TMEM258: variants seen among roughly 807,000 people sequenced by gnomAD.
The protein encoded by TMEM258 is dolichyl-diphosphooligosaccharide--protein glycosyltransferase subunit TMEM258.
Under a neutral mutation model 9.9 loss-of-function variants are expected in TMEM258, and 11 were observed. That is an observed-to-expected ratio of 1.11 (90% CI 0.70 to 1.85). The LOEUF is 1.85. TMEM258 is among the 40% of genes most tolerant of loss of function. The probability of loss-of-function intolerance (pLI) is 0.00; values close to 1 mark genes in which losing one functional copy is unlikely to be tolerated. For missense variants in TMEM258, 81 were observed against 99.7 expected, an observed-to-expected ratio of 0.81 and a Z score of 0.80; for synonymous variants, 40 against 39.1, an observed-to-expected ratio of 1.02 and a Z score of -0.09.
chr11:61,792,301 A>G (rs1330573160), intron 1 of TMEM258: 1 of 554,952 alleles, frequency 1.8e-6, no homozygotes, highest in East Asian at 3.0e-5. Flanking sequence ...ATAACACACC[A>G]CCGATAACAG....
chr11:61,792,372 G>A (rs2066790771), intron 1 of TMEM258, 184 bp downstream of exon 1: 1 of 740,998 alleles, frequency 1.3e-6, no homozygotes, highest in Non-Finnish European at 2.2e-6. Flanking sequence ...TAGAAATCGC[G>A]AGCTGAGAAA....
At chr11:61,790,714 G>T in intron 1 of TMEM258, 112 bp from the exon 2 acceptor site, 2 of 857,782 alleles carry the variant, frequency 2.3e-6, no homozygotes, top group Non-Finnish European at 3.6e-6. Flanking sequence ...GCTGATTTTA[G>T]CCCGGAAATG....
At position 61,790,525 on chromosome 11, in the gene TMEM258, G is replaced by C. The variant is rs1591143409; in HGVS notation, c.81C>G (p.Ala27=). The C allele has an allele frequency of 6.2e-7, 1 of 1,614,120 alleles. No individual in the cohort carries two copies. The highest frequency in any genetic ancestry group is 2.2e-5 in the East Asian group (1 of 44,884). The change falls in exon 2 of 4, where the codon GCC becomes GCG. Residue 27 remains alanine, a synonymous_variant. Coordinates refer to ENST00000537328, the MANE Select transcript of TMEM258 (RefSeq NM_014206.4). The stretch of plus-strand genomic sequence containing the variant: ...ACCAGGCGGTGAAGAACATGCCAAT[G>C]GCCAAAAGCACCACGGTCAGATGGG... The part of the protein sequence containing the change: ...VFPHLTVVLL[A]IGMFFTAWFF...
Position 61,792,422 on chromosome 11 carries a change from C to T in TMEM258, c.3+134G>A. The T allele has an allele frequency of 2.3e-6, 3 of 1,319,816 alleles. No homozygotes were observed. In the South Asian group the frequency reaches 3.6e-5, roughly 16 times the overall value. 81.8% of individuals were successfully genotyped at this position (1,319,816 alleles called of 1,614,324 possible). A position where few individuals can be genotyped will look rare whatever the true frequency, so the allele number is the denominator to read the frequency against. On this transcript the variant is annotated intron_variant, in intron 1 of 3. Transcript: ENST00000537328. Reference sequence around the variant, plus strand: ...GGCAAGGGGCTTCCCCCTTCCCCACCCTTCAGCCCAAGCCGGAGGTTCCAG... The same window carrying T: ...GGCAAGGGGCTTCCCCCTTCCCCACTCTTCAGCCCAAGCCGGAGGTTCCAG...
intron 2 of TMEM258, chr11:61,790,233 C>G: frequency 3.5e-6 from 2 of 573,638 alleles, no homozygotes; most frequent in South Asian, 4.2e-5. Flanking sequence ...CCAACTGTAG[C>G]ACCCCTATTC....
At chr11:61,791,847 C>T (rs1170106934) in intron 1 of TMEM258, 1 of 152,188 alleles carries the variant, frequency 6.6e-6, no homozygotes, top group African/African-American at 2.4e-5. Context: ...AAGATCTGTA[C>T]AAATGTTAAC....
intron 2 of TMEM258, 86 bp from the exon 3 acceptor site, chr11:61,790,007 T>G: frequency 6.7e-7 from 1 of 1,502,460 alleles, no homozygotes. Flanking sequence ...AGAAAAGCAT[T>G]GGCTCAATGC....
chr11:61,789,621 G>T, intron 3 of TMEM258, 164 bp downstream of exon 3: 1 of 782,640 alleles, frequency 1.3e-6, no homozygotes, highest in Non-Finnish European at 1.9e-6. Context: ...GGCAGGGAAA[G>T]AGGCACAAAT....
chr11:61,791,738 T>G (rs1431248742), intron 1 of TMEM258: 2 of 152,236 alleles, frequency 1.3e-5, no homozygotes, highest in Non-Finnish European at 2.9e-5. Context: ...ATCTAGTGCC[T>G]AGCAGGGAGT....
At chr11:61,789,977 C>T in intron 2 of TMEM258, 56 bp from the exon 3 acceptor site, 1 of 1,565,620 alleles carries the variant, frequency 6.4e-7, no homozygotes, top group Non-Finnish European at 8.6e-7. Flanking sequence ...GCAGAGAGCC[C>T]AGCCCACGGC....
intron 2 of TMEM258, 75 bp downstream of exon 2, chr11:61,790,418 T>C (rs755396860): frequency 5.2e-6 from 7 of 1,339,432 alleles, no homozygotes; most frequent in Middle Eastern, 1.8e-4. Flanking sequence ...GCGGGGTCCA[T>C]GTACCTAGCG....
chr11:61,792,176 G>A (rs2066789468), intron 1 of TMEM258: 3 of 302,570 alleles, frequency 9.9e-6, no homozygotes, highest in South Asian at 3.1e-5. Flanking sequence ...GGCTGTGGGC[G>A]CTCCTAGGAA....
rs3218834 is a variant in TMEM258 at position 61,792,588 on chromosome 11, C to T, written c.-30G>A. 2 of 1,613,326 alleles carry T rather than the reference C, an allele frequency of 1.2e-6. No individual in the cohort carries two copies. The highest frequency in any genetic ancestry group is 1.7e-6 in the Non-Finnish European group (2 of 1,179,980). On this transcript the variant is annotated 5_prime_UTR_variant, in exon 1 of 4. Coordinates refer to ENST00000537328, the MANE Select transcript of TMEM258 (RefSeq NM_014206.4). ...CCCCGCGAAGGCTAATCCGCCGCTC[C>T]GCCACCGGAAGAACACGTCGGCAGG...
intron 3 of TMEM258, among the ~76,000 whole-genome samples, chr11:61,789,529 G>A (rs2066765309): frequency 6.6e-6 from 1 of 152,216 alleles, no homozygotes; most frequent in East Asian, 1.9e-4. Flanking sequence ...ACTTCTAGGT[G>A]GTACATCCCA....
chr11:61,790,096 C>T, intron 2 of TMEM258, 175 bp from the exon 3 acceptor site: 1 of 765,822 alleles, frequency 1.3e-6, no homozygotes, highest in Non-Finnish European at 2.0e-6. Flanking sequence ...GCTCCACTGC[C>T]ATGAAGAAAA....
intron 3 of TMEM258, 188 bp downstream of exon 3, chr11:61,789,597 A>C: frequency 1.5e-6 from 1 of 663,760 alleles, no homozygotes; most frequent in Admixed American, 3.3e-5. Context: ...CATTTGGCTC[A>C]AATCCGTATG....
chr11:61,792,290 G>A (rs1341219130), intron 1 of TMEM258: 6 of 538,870 alleles, frequency 1.1e-5, no homozygotes, highest in South Asian at 1.0e-4. Flanking sequence ...TCCAAATAAA[G>A]ATAACACACC....
intron 2 of TMEM258, 137 bp from the exon 3 acceptor site, chr11:61,790,058 G>A: frequency 9.2e-7 from 1 of 1,087,026 alleles, no homozygotes; most frequent in Non-Finnish European, 1.3e-6. Context: ...CCAGGCAGAG[G>A]GGCCTAAGAG....
intron 1 of TMEM258, chr11:61,791,825 G>A (rs944577913): frequency 2.0e-5 from 3 of 152,272 alleles, no homozygotes; most frequent in Admixed American, 1.3e-4. Flanking sequence ...ATGAAAGAGG[G>A]CTGTAAACGT....
Sources: allele counts gnomAD v4.1 joint callset (sites outside exome capture counted in the v4.1 genomes callset), GRCh38; gene constraint gnomAD v4.1.1; transcripts MANE v1.5; gene names NCBI Gene and HGNC (gene_info 2026-07-23, HGNC 2026-07-21).